The following VEPH1 variants were observed in gnomAD, a reference collection of about 807,000 sequenced individuals.
VEPH1 encodes the protein ventricular zone expressed PH domain containing 1, also known as ventricular zone-expressed PH domain-containing protein homolog 1.
A neutral mutation model predicts 85.2 loss-of-function variants in VEPH1; 80 were observed. The ratio of observed to expected loss-of-function variants is 0.94; its 90% CI spans 0.78 to 1.13. VEPH1 has a LOEUF of 1.13. VEPH1 is among the 50% of genes most tolerant of loss of function. VEPH1 has a pLI of 0.00. For synonymous variants in VEPH1, 297 were observed against 348.0 expected (o/e 0.85, Z 1.63); for missense variants, 955 against 980.5 (o/e 0.97, Z 0.35).
At chr3:157,402,394 C>G (rs1012598567) in intron 6 of VEPH1, among the ~76,000 whole-genome samples, 12 of 152,172 alleles carry the variant, frequency 7.9e-5, no homozygotes, top group African/African-American at 2.9e-4. Flanking sequence ...AGATAGGAGC[C>G]CTTATTGTGG....
At chr3:157,360,550 ATGTCCC>A (rs1219413980) in intron 9 of VEPH1, among the ~76,000 whole-genome samples, 3 of 152,152 alleles carry the variant, frequency 2.0e-5, no homozygotes, top group African/African-American at 7.2e-5. Context: ...TGATGGGGTT[ATGTCCC>A]CATAACCCCA....
chr3:157,482,061 T>C (rs1935494300), intron 2 of VEPH1, among the ~76,000 whole-genome samples: 1 of 152,214 alleles, frequency 6.6e-6, no homozygotes, highest in Non-Finnish European at 1.5e-5. Context: ...CCATGCTGTC[T>C]TAGTTATTGT....
chr3:157,433,717 TATC>T (rs1733340231), intron 4 of VEPH1, among the ~76,000 whole-genome samples: 1 of 152,250 alleles, frequency 6.6e-6, no homozygotes, highest in South Asian at 2.1e-4. Context: ...CTCTTTTTGG[TATC>T]ATACTTAGTA....
chr3:157,280,810 C>T (rs141881434), intron 12 of VEPH1, among the ~76,000 whole-genome samples: 4 of 152,124 alleles, frequency 2.6e-5, no homozygotes, highest in African/African-American at 9.7e-5. Flanking sequence ...TCGATTTTTT[C>T]CCATGGGTAT....
intron 11 of VEPH1, among the ~76,000 whole-genome samples, chr3:157,303,451 C>A (rs1719062811): frequency 6.6e-6 from 1 of 152,172 alleles, no homozygotes; most frequent in South Asian, 2.1e-4. Flanking sequence ...AACTTAGAGT[C>A]ATATTTACCA....
intron 6 of VEPH1, among the ~76,000 whole-genome samples, chr3:157,407,192 C>A (rs947318161): frequency 2.0e-5 from 3 of 152,096 alleles, no homozygotes; most frequent in Non-Finnish European, 2.9e-5. Context: ...CTATTTTGGT[C>A]CTCTGTGGAC....
chr3:157,305,061 T>TATCTATCTATCTATCC (rs1719319615), intron 11 of VEPH1, among the ~76,000 whole-genome samples: 1 of 150,000 alleles, frequency 6.7e-6, no homozygotes, highest in Non-Finnish European at 1.5e-5. Flanking sequence ...TCTATCTATC[T>TATCTATCTATCTATCC]ATCTATCTTC....
At position 157,298,380 on chromosome 3, in the gene VEPH1, G is replaced by C. The variant is rs571543518; in HGVS notation, c.2011-11706C>G. On this transcript the variant is annotated intron_variant, in intron 11 of 13. Transcript: ENST00000362010. ...CTGTTTTGATGTTTTATCAGAAGAG[G>C]CTGTGGGACCTCCTGCCCCAGAACT... Among the ~76,000 whole-genome samples, 4 of 152,280 alleles carry C rather than the reference G, an allele frequency of 2.6e-5. No individual in the cohort carries two copies. In the South Asian group the frequency reaches 8.3e-4, roughly 32 times the overall value.
At position 157,428,498 on chromosome 3, in the gene VEPH1, G is replaced by T; in HGVS notation, c.530-10C>A. 6.2e-7 allele frequency: 1 copy of T among 1,611,760 alleles called. No individual in the cohort carries two copies. The highest frequency in any genetic ancestry group is 1.1e-5 in the South Asian group (1 of 90,920). On this transcript the variant is annotated splice_polypyrimidine_tract_variant and intron_variant, in intron 4 of 13. Transcript: ENST00000362010. ...AACAACATGGTGTTACCTGTTGAGG[G>T]AACAATAAAGGGAATGATGACTTTA...
intron 6 of VEPH1, among the ~76,000 whole-genome samples, chr3:157,393,847 G>A (rs1184567666): frequency 6.6e-6 from 1 of 152,102 alleles, no homozygotes; most frequent in South Asian, 2.1e-4. Context: ...GTATATGATT[G>A]TTTTTCCTAT....
intron 8 of VEPH1, among the ~76,000 whole-genome samples, chr3:157,364,047 C>T (rs1559995383): frequency 1.3e-5 from 2 of 152,114 alleles, no homozygotes; most frequent in Non-Finnish European, 2.9e-5. Flanking sequence ...TTTGATTTTT[C>T]ATCAGAAATC....
chr3:157,443,946 A>C (rs1390053279), intron 4 of VEPH1, among the ~76,000 whole-genome samples: 1 of 152,218 alleles, frequency 6.6e-6, no homozygotes, highest in Non-Finnish European at 1.5e-5. Context: ...GAATTATCAC[A>C]GTTCCTCAGA....
chr3:157,295,374 G>C (rs1261184071), intron 11 of VEPH1, among the ~76,000 whole-genome samples: 11 of 151,990 alleles, frequency 7.2e-5, no homozygotes. Flanking sequence ...CGTGGAGGCA[G>C]TGAGCTATGA....
At chr3:157,370,776 A>G (rs1727396808) in intron 7 of VEPH1, among the ~76,000 whole-genome samples, 1 of 152,224 alleles carries the variant, frequency 6.6e-6, no homozygotes, top group African/African-American at 2.4e-5. Flanking sequence ...CTTCATTTAC[A>G]CAAAATTTTA....
chr3:157,409,772 C>T (rs879586668), intron 6 of VEPH1: 29 of 985,220 alleles, frequency 2.9e-5, no homozygotes, highest in Non-Finnish European at 3.4e-5. Flanking sequence ...TTTATGCAAG[C>T]ACAGAAGGTG....
chr3:157,377,679 T>G (rs369391405), intron 7 of VEPH1, among the ~76,000 whole-genome samples: 1 of 152,164 alleles, frequency 6.6e-6, no homozygotes, highest in Non-Finnish European at 1.5e-5. Flanking sequence ...GCACGTCTTC[T>G]TGCTGCCTTG....
At chr3:157,349,203 T>C (rs1672166175) in intron 9 of VEPH1, among the ~76,000 whole-genome samples, 1 of 152,246 alleles carries the variant, frequency 6.6e-6, no homozygotes, top group Non-Finnish European at 1.5e-5. Flanking sequence ...GTGATATTTA[T>C]TGCAGGAATG....
At chr3:157,459,529 T>G in intron 4 of VEPH1, 1 of 895,068 alleles carries the variant, frequency 1.1e-6, no homozygotes, top group Non-Finnish European at 1.4e-6. Context: ...TGCACATCAA[T>G]TAATATCATG....
chr3:157,437,076 T>C, intron 4 of VEPH1: 1 of 1,612,984 alleles, frequency 6.2e-7, no homozygotes, highest in East Asian at 2.2e-5. Context: ...AAGTTCACTT[T>C]AACTGTTTCT....
Sources: gnomAD v4.1 joint callset for allele counts (sites outside exome capture counted in the v4.1 genomes callset) on GRCh38, gnomAD v4.1.1 for gene constraint, MANE v1.5 for transcripts, NCBI Gene and HGNC (gene_info 2026-07-23, HGNC 2026-07-21) for gene names.